TAFA5: variants seen among roughly 807,000 people sequenced by gnomAD.
TAFA5 encodes the protein TAFA chemokine like family member 5.
A neutral mutation model predicts 15.3 loss-of-function variants in TAFA5; 6 were observed. The ratio of observed to expected loss-of-function variants is 0.39; its 90% CI spans 0.21 to 0.77. TAFA5 has a LOEUF of 0.77. TAFA5 is among the 30% of genes least tolerant of loss of function. The pLI, the probability that TAFA5 is intolerant of heterozygous loss-of-function variation, is 0.41. For synonymous variants in TAFA5, 103 were observed against 80.7 expected, an observed-to-expected ratio of 1.28 and a Z score of -1.48; for missense variants, 161 against 193.1, an observed-to-expected ratio of 0.83 and a Z score of 0.98.
At chr22:48,595,480 G>T (rs1394374925) in intron 1 of TAFA5, among the ~76,000 whole-genome samples, 4 of 152,234 alleles carry the variant, frequency 2.6e-5, no homozygotes, top group African/African-American at 9.6e-5. Flanking sequence ...AAGTGCTGCC[G>T]GTAGCTATGA....
rs771759015 is a variant in TAFA5 at position 48,698,182 on chromosome 22, GTGA to G, written c.263-9526_263-9524del. 4.6e-3 allele frequency among the ~76,000 whole-genome samples: 694 copies of G among 151,806 alleles called. 12 individuals are homozygous for G. In the East Asian group the frequency reaches 0.052, roughly 11 times the overall value. ...GATAGTGATAGTAGTGATGATGGTG[GTGA>G]TGATGATGGTGACAATAATGATGGT... is the stretch of plus-strand genomic sequence containing the variant. On this transcript the variant is annotated intron_variant, in intron 2 of 3. Transcript: ENST00000402357.
At chr22:48,506,166 C>G (rs1002955042) in intron 1 of TAFA5, among the ~76,000 whole-genome samples, 9 of 152,194 alleles carry the variant, frequency 5.9e-5, no homozygotes, top group African/African-American at 2.2e-4. Context: ...CTCGCCTGGC[C>G]CCTCCTCCTG....
intron 1 of TAFA5, among the ~76,000 whole-genome samples, chr22:48,642,948 G>A (rs1336379078): frequency 6.6e-6 from 1 of 152,182 alleles, no homozygotes; most frequent in African/African-American, 2.4e-5. Context: ...GGCCCTGTCA[G>A]TAGTCCCAGA....
At position 48,598,082 on chromosome 22, in the gene TAFA5, A is replaced by G. The variant is rs1771421776; in HGVS notation, c.113-48515A>G. The stretch of plus-strand genomic sequence containing the variant: ...TTCTGCAGTTTCAGAGGCTGTCAGT[A>G]TGACATCTGCAGGGAAGAGGGCAGG... On this transcript the variant is annotated intron_variant, in intron 1 of 3. Coordinates refer to ENST00000402357, the MANE Select transcript of TAFA5 (RefSeq NM_001082967.3). This position sits in a 1 kb window ranked among gnomAD's most constrained non-coding sequence, Gnocchi z 4.0. Among the ~76,000 whole-genome samples, 2 of 152,106 alleles carry G rather than the reference A, an allele frequency of 1.3e-5. No homozygotes were observed. The highest frequency in any genetic ancestry group is 2.9e-5 in the Non-Finnish European group (2 of 68,018).
intron 1 of TAFA5, among the ~76,000 whole-genome samples, chr22:48,507,419 C>T (rs757135754): frequency 1.9e-4 from 29 of 152,290 alleles, no homozygotes; most frequent in Non-Finnish European, 2.8e-4. Context: ...ACCCCCAACC[C>T]GGAGCCCTGG....
chr22:48,646,794 C>G, intron 2 of TAFA5, 48 bp downstream of exon 2: 1 of 1,522,396 alleles, frequency 6.6e-7, no homozygotes, highest in Non-Finnish European at 8.8e-7. Context: ...AGCGCGGCGT[C>G]ACCAAAGGTG....
chr22:48,604,029 G>GT (rs549026712), intron 1 of TAFA5, among the ~76,000 whole-genome samples: 1 of 152,166 alleles, frequency 6.6e-6, no homozygotes, highest in Non-Finnish European at 1.5e-5. Flanking sequence ...GATAATCCAG[G>GT]TACCCCGTGG....
intron 3 of TAFA5, among the ~76,000 whole-genome samples, chr22:48,727,438 C>G (rs1177592198): frequency 1.3e-5 from 2 of 152,098 alleles, no homozygotes; most frequent in African/African-American, 2.4e-5. Context: ...AGTGCATTTG[C>G]TTAACATAAA....
intron 1 of TAFA5, among the ~76,000 whole-genome samples, chr22:48,572,617 G>A (rs1399721956): frequency 6.6e-6 from 1 of 152,084 alleles, no homozygotes; most frequent in Non-Finnish European, 1.5e-5. Flanking sequence ...TTTTTTGTGT[G>A]CCATGGGCCT....
chr22:48,598,806 A>T lies in TAFA5; in HGVS notation c.113-47791A>T, dbSNP rs139540405. 4.8e-3 allele frequency among the ~76,000 whole-genome samples: 725 copies of T among 152,256 alleles called. 3 individuals carry two copies. The highest frequency in any genetic ancestry group is 0.017 in the African/African-American group (695 of 41,566). ...TGCTCCCCCTTCAGATACCAAGTCC[A>T]AGTGCCACCAGTGGAACCAAGCGCC... is the stretch of plus-strand genomic sequence containing the variant. On this transcript the variant is annotated intron_variant, in intron 1 of 3. Coordinates refer to ENST00000402357, the MANE Select transcript of TAFA5 (RefSeq NM_001082967.3). This position sits in a 1 kb window ranked among gnomAD's most constrained non-coding sequence, Gnocchi z 4.0.
intron 3 of TAFA5, among the ~76,000 whole-genome samples, chr22:48,729,512 A>C (rs2147266189): frequency 6.8e-6 from 1 of 147,766 alleles, no homozygotes; most frequent in Non-Finnish European, 1.5e-5. Context: ...TACTAGGCTA[A>C]GACAGGCTGA....
intron 1 of TAFA5, among the ~76,000 whole-genome samples, chr22:48,630,167 C>CAGGTGGA (rs138339831): frequency 0.037 from 5,559 of 151,938 alleles, 317 homozygotes; most frequent in African/African-American, 0.13. Context: ...GGGGGATGAG[C>CAGGTGGA]AGGTGGAGTG....
intron 1 of TAFA5, among the ~76,000 whole-genome samples, chr22:48,538,162 C>T (rs1207989776): frequency 1.3e-5 from 2 of 152,174 alleles, no homozygotes; most frequent in Non-Finnish European, 2.9e-5. Flanking sequence ...GTGAAACCAC[C>T]GAGATGGCCC....
At chr22:48,689,527 C>T (rs1257593233) in intron 2 of TAFA5, among the ~76,000 whole-genome samples, 1 of 152,206 alleles carries the variant, frequency 6.6e-6, no homozygotes, top group Non-Finnish European at 1.5e-5. Flanking sequence ...GAGAGCAAGT[C>T]CTCTGGGTGG....
At chr22:48,496,588 A>G (rs1928333303) in intron 1 of TAFA5, among the ~76,000 whole-genome samples, 1 of 152,120 alleles carries the variant, frequency 6.6e-6, no homozygotes, top group Non-Finnish European at 1.5e-5. Flanking sequence ...AGGAGGGCCC[A>G]CTTGTGGTAG....
chr22:48,732,407 C>T (rs958793847), intron 3 of TAFA5, among the ~76,000 whole-genome samples: 1 of 152,160 alleles, frequency 6.6e-6, no homozygotes, highest in African/African-American at 2.4e-5. Context: ...CAGGCGCCCG[C>T]CACCACGCCC....
chr22:48,656,695 TTC>T (rs1927255716), intron 2 of TAFA5, among the ~76,000 whole-genome samples: 1 of 133,302 alleles, frequency 7.5e-6, no homozygotes, highest in African/African-American at 2.9e-5. Context: ...TTACCAAAAG[TTC>T]TTTTTTTTTT....
chr22:48,500,603 C>T (rs966487218), intron 1 of TAFA5, among the ~76,000 whole-genome samples: 3 of 152,242 alleles, frequency 2.0e-5, no homozygotes, highest in East Asian at 1.9e-4. Flanking sequence ...CGCCTCTTCT[C>T]GGCTGAGCTG....
At chr22:48,703,221 G>A (rs777646192) in intron 2 of TAFA5, among the ~76,000 whole-genome samples, 2 of 147,346 alleles carry the variant, frequency 1.4e-5, no homozygotes, top group Non-Finnish European at 1.5e-5. Context: ...TGATGTGTAC[G>A]TGTGTGTGTT....
Sources: gnomAD v4.1 joint callset for allele counts (sites outside exome capture counted in the v4.1 genomes callset) on GRCh38, gnomAD v4.1.1 for gene constraint, Gnocchi (gnomAD v3.1) non-coding constraint, MANE v1.5 for transcripts, NCBI Gene and HGNC (gene_info 2026-07-23, HGNC 2026-07-21) for gene names.